Variants in MYT1L observed in about 807,000 individuals in gnomAD.
MYT1L encodes the protein myelin transcription factor 1 like.
A neutral mutation model predicts 126.7 loss-of-function variants in MYT1L; 12 were observed. That is an observed-to-expected ratio of 0.09 (90% CI 0.06 to 0.15). The LOEUF (loss-of-function observed/expected upper bound fraction) is 0.15, where lower values mean the gene tolerates loss of function less well. Among genes scored for constraint, MYT1L ranks in the 10% least tolerant of loss-of-function variants. The pLI is 1.00. For synonymous variants in MYT1L, 541 were observed against 604.2 expected, an observed-to-expected ratio of 0.90 and a Z score of 1.53; for missense variants, 979 against 1,585.2, an observed-to-expected ratio of 0.62 and a Z score of 6.49.
chr2:2,183,993 G>A (rs2091840727), intron 2 of MYT1L, among the ~76,000 whole-genome samples: 1 of 144,840 alleles, frequency 6.9e-6, no homozygotes, highest in African/African-American at 2.6e-5. Flanking sequence ...GAGAGAGAAA[G>A]GGGGAGGGAG....
intron 2 of MYT1L, among the ~76,000 whole-genome samples, chr2:2,235,564 C>T (rs2094275471): frequency 6.6e-6 from 1 of 152,192 alleles, no homozygotes; most frequent in South Asian, 2.1e-4. Context: ...TAACTCTGGA[C>T]CTGTGTTTCC....
intron 4 of MYT1L, among the ~76,000 whole-genome samples, chr2:1,999,473 T>G (rs2062163198): frequency 6.6e-6 from 1 of 152,138 alleles, no homozygotes; most frequent in Non-Finnish European, 1.5e-5. Flanking sequence ...GTTGAAATCT[T>G]AAATATGTAG....
At chr2:2,266,345 C>T (rs1173333761) in intron 2 of MYT1L, among the ~76,000 whole-genome samples, 1 of 152,168 alleles carries the variant, frequency 6.6e-6, no homozygotes, top group Non-Finnish European at 1.5e-5. Flanking sequence ...GAATTTGCAT[C>T]AGGAGCAGTG....
intron 3 of MYT1L, among the ~76,000 whole-genome samples, chr2:2,077,967 C>A (rs1364756724): frequency 1.3e-5 from 2 of 152,004 alleles, no homozygotes; most frequent in Non-Finnish European, 2.9e-5. Context: ...AAGACAGCGG[C>A]AGAAATCAAT....
intron 21 of MYT1L, among the ~76,000 whole-genome samples, chr2:1,813,804 G>T (rs1049404328): frequency 1.4e-5 from 2 of 146,938 alleles, no homozygotes; most frequent in African/African-American, 2.5e-5. Flanking sequence ...GAGGCGGGCG[G>T]ATCACGCGGT....
At chr2:2,049,797 C>T (rs1456488920) in intron 4 of MYT1L, among the ~76,000 whole-genome samples, 1 of 152,080 alleles carries the variant, frequency 6.6e-6, no homozygotes, top group Non-Finnish European at 1.5e-5. Flanking sequence ...TCTTGCCTGC[C>T]GCCAGTTAAG....
chr2:2,146,679 A>C (rs1320317915), intron 3 of MYT1L, among the ~76,000 whole-genome samples: 3 of 151,560 alleles, frequency 2.0e-5, no homozygotes, highest in Non-Finnish European at 4.4e-5. Context: ...AGAATTAACA[A>C]GTGCATCTAC....
chr2:2,004,274 C>A (rs1313965891), intron 4 of MYT1L, among the ~76,000 whole-genome samples: 2 of 140,426 alleles, frequency 1.4e-5, no homozygotes, highest in Non-Finnish European at 3.1e-5. Context: ...TTCCTGCAGG[C>A]GTTCTTTCCT....
At chr2:2,260,231 G>T (rs1377445137) in intron 2 of MYT1L, among the ~76,000 whole-genome samples, 1 of 152,198 alleles carries the variant, frequency 6.6e-6, no homozygotes, top group Non-Finnish European at 1.5e-5. Context: ...AACACTGTCT[G>T]TGCCTCCGTG....
At chr2:2,126,983 T>C (rs1297543960) in intron 3 of MYT1L, among the ~76,000 whole-genome samples, 1 of 152,248 alleles carries the variant, frequency 6.6e-6, no homozygotes, top group Admixed American at 6.5e-5. Context: ...CCTCCAGGGC[T>C]TTTCTAGCCT....
intron 4 of MYT1L, among the ~76,000 whole-genome samples, chr2:2,039,607 A>G (rs919859027): frequency 6.6e-6 from 1 of 152,224 alleles, no homozygotes; most frequent in Non-Finnish European, 1.5e-5. Context: ...AAGAATGGAT[A>G]TGACTTTGAA....
At chr2:2,260,642 C>T (rs2094939913) in intron 2 of MYT1L, among the ~76,000 whole-genome samples, 1 of 151,264 alleles carries the variant, frequency 6.6e-6, no homozygotes, top group Non-Finnish European at 1.5e-5. Context: ...CAGAAGCTTA[C>T]TTTGCTGGTG....
At chr2:2,091,798 T>C (rs1170938048) in intron 3 of MYT1L, among the ~76,000 whole-genome samples, 2 of 152,224 alleles carry the variant, frequency 1.3e-5, no homozygotes, top group Non-Finnish European at 2.9e-5. Flanking sequence ...TGCTTCTCCT[T>C]GCACTTTTAT....
At chr2:1,890,805 C>T (rs1192466497) in intron 15 of MYT1L, among the ~76,000 whole-genome samples, 1 of 152,170 alleles carries the variant, frequency 6.6e-6, no homozygotes, top group African/African-American at 2.4e-5. Flanking sequence ...AAGGAAGATG[C>T]TTGGAATGAG....
chr2:2,016,428 G>C (rs2064399188), intron 4 of MYT1L, among the ~76,000 whole-genome samples: 1 of 152,216 alleles, frequency 6.6e-6, no homozygotes, highest in South Asian at 2.1e-4. Context: ...TGGAATTTAA[G>C]ATGGGGAAGC....
At chr2:1,841,075 T>G in intron 19 of MYT1L, 1 of 439,600 alleles carries the variant, frequency 2.3e-6, no homozygotes, top group Non-Finnish European at 4.1e-6. Context: ...GGCTAATTTT[T>G]TTGTATTTTT....
Position 1,876,527 on chromosome 2 carries a change from C to T in MYT1L, c.2711+10012G>A, listed in dbSNP as rs528564198. Reference sequence around the variant, plus strand: ...GGCTCCTGAGCCCGCGCCTACCCCTCACCCCGGCAACCTTTCCCCATGGCC... The same window carrying T: ...GGCTCCTGAGCCCGCGCCTACCCCTTACCCCGGCAACCTTTCCCCATGGCC... On this transcript the variant is annotated intron_variant, in intron 18 of 24. Coordinates refer to ENST00000647738, the MANE Select transcript of MYT1L (RefSeq NM_001303052.2). 1.2e-3 allele frequency among the ~76,000 whole-genome samples: 176 copies of T among 152,248 alleles called. 2 individuals carry two copies. Among genetic ancestry groups the T allele is most frequent in the African/African-American group, 3.9e-3 (160 of 41,554 alleles).
intron 8 of MYT1L, among the ~76,000 whole-genome samples, chr2:1,964,334 A>C (rs2149401317): frequency 6.6e-6 from 1 of 152,346 alleles, no homozygotes. Flanking sequence ...ACAATAATGA[A>C]AAGGTTTGAA....
At chr2:2,267,324 T>C (rs2095157059) in intron 2 of MYT1L, among the ~76,000 whole-genome samples, 1 of 152,160 alleles carries the variant, frequency 6.6e-6, no homozygotes, top group African/African-American at 2.4e-5. Flanking sequence ...CTCACTTCCA[T>C]GGGGAAACTG....
Sources: gnomAD v4.1 joint callset for allele counts (sites outside exome capture counted in the v4.1 genomes callset) on GRCh38, gnomAD v4.1.1 for gene constraint, MANE v1.5 for transcripts, NCBI Gene and HGNC (gene_info 2026-07-23, HGNC 2026-07-21) for gene names.